The following CAB39L variants were observed in gnomAD, a reference collection of about 807,000 sequenced individuals.
CAB39L encodes the protein calcium binding protein 39 like, also known as calcium-binding protein 39-like.
CAB39L carries 23 observed loss-of-function variants against 39.1 expected under a neutral mutation model. The ratio of observed to expected loss-of-function variants is 0.59; its 90% CI spans 0.42 to 0.83. CAB39L has a LOEUF of 0.83. Among genes scored for constraint, CAB39L ranks in the 40% least tolerant of loss-of-function variants. The pLI, the probability that CAB39L is intolerant of heterozygous loss-of-function variation, is 0.00. For missense variants in CAB39L, 366 were observed against 391.9 expected (o/e 0.93, Z 0.56); for synonymous variants, 126 against 137.2 (o/e 0.92, Z 0.57).
chr13:49,424,003 G>C (rs1345358664), intron 3 of CAB39L, among the ~76,000 whole-genome samples: 2 of 152,072 alleles, frequency 1.3e-5, no homozygotes, highest in Non-Finnish European at 2.9e-5. Flanking sequence ...TCTAAAAATA[G>C]AATAACAAGT....
intron 8 of CAB39L, among the ~76,000 whole-genome samples, chr13:49,343,758 T>C (rs1021005439): frequency 1.3e-5 from 2 of 151,986 alleles, no homozygotes; most frequent in African/African-American, 4.8e-5. Flanking sequence ...AAAGGATGAG[T>C]TGGATTCACT....
At chr13:49,418,770 A>G (rs1357076145) in intron 3 of CAB39L, among the ~76,000 whole-genome samples, 2 of 152,002 alleles carry the variant, frequency 1.3e-5, no homozygotes, top group Admixed American at 6.6e-5. Flanking sequence ...CATGTTGGCC[A>G]GGCTGGTCTC....
At chr13:49,384,910 A>G (rs1022090541) in intron 3 of CAB39L, among the ~76,000 whole-genome samples, 1 of 152,214 alleles carries the variant, frequency 6.6e-6, no homozygotes, top group Non-Finnish European at 1.5e-5. Context: ...CAGGCCAAAT[A>G]GATTTAGCAT....
intron 9 of CAB39L, among the ~76,000 whole-genome samples, chr13:49,335,092 A>G (rs981776764): frequency 6.6e-6 from 1 of 152,206 alleles, no homozygotes; most frequent in Non-Finnish European, 1.5e-5. Context: ...ACCCTCCAAA[A>G]AGAAAAAACA....
chr13:49,368,414 G>A (rs1955828544), intron 5 of CAB39L, among the ~76,000 whole-genome samples: 1 of 152,172 alleles, frequency 6.6e-6, no homozygotes, highest in Non-Finnish European at 1.5e-5. Flanking sequence ...TACATTACAC[G>A]TTAATCTTTG....
intron 9 of CAB39L, among the ~76,000 whole-genome samples, chr13:49,332,394 C>T (rs1340781200): frequency 6.6e-6 from 1 of 152,118 alleles, no homozygotes; most frequent in East Asian, 1.9e-4. Flanking sequence ...AATTATCTTG[C>T]TTCGCACTAA....
intron 3 of CAB39L, among the ~76,000 whole-genome samples, chr13:49,423,601 A>G (rs1957204251): frequency 6.6e-6 from 1 of 152,204 alleles, no homozygotes; most frequent in African/African-American, 2.4e-5. Context: ...AAAAATTAGT[A>G]GGAGAGAAAG....
At chr13:49,312,077 T>A (rs563289078) in intron 10 of CAB39L, among the ~76,000 whole-genome samples, 1 of 152,248 alleles carries the variant, frequency 6.6e-6, no homozygotes, top group South Asian at 2.1e-4. Flanking sequence ...AAGTTTTTCG[T>A]AGAGGCAGGC....
At chr13:49,412,969 AG>A (rs1240045644) in intron 3 of CAB39L, 1 of 152,206 alleles carries the variant, frequency 6.6e-6, no homozygotes, top group Non-Finnish European at 1.5e-5. Flanking sequence ...TCTGCAGCCC[AG>A]GGGTAAGGGA....
intron 5 of CAB39L, 45 bp downstream of exon 5, chr13:49,376,922 T>TAGATAGATAGATAGATAGATAGA: frequency 9.1e-7 from 1 of 1,102,852 alleles, no homozygotes; most frequent in Non-Finnish European, 1.2e-6. Flanking sequence ...TAGATAGATA[T>TAGATAGATAGATAGATAGATAGA]TAAAATTGAA....
chr13:49,377,770 G>A (rs1956118860), intron 4 of CAB39L, among the ~76,000 whole-genome samples: 1 of 91,472 alleles, frequency 1.1e-5, no homozygotes, highest in Non-Finnish European at 2.2e-5. Context: ...CGCCTGCCTT[G>A]GCCTCCCAAA....
Position 49,342,312 on chromosome 13 carries a change from T to C in CAB39L, c.624+1867A>G, listed in dbSNP as rs1177250205. On this transcript the variant is annotated intron_variant, in intron 8 of 10. Transcript: ENST00000409308. ...GTAATCATCAAAAATGTACTTCTTT[T>C]TGTAAGCACATGTAATTTAATTTAA... 4.6e-5 allele frequency among the ~76,000 whole-genome samples: 7 copies of C among 152,332 alleles called. No individual in the cohort carries two copies. The South Asian group carries it at 1.4e-3, about 32-fold the overall frequency.
At chr13:49,366,807 G>A (rs1055208764) in intron 5 of CAB39L, among the ~76,000 whole-genome samples, 1 of 152,124 alleles carries the variant, frequency 6.6e-6, no homozygotes, top group East Asian at 1.9e-4. Flanking sequence ...CCAGAGGTCA[G>A]GAGTTCGAGA....
At chr13:49,436,387 T>C (rs1293293001) in intron 1 of CAB39L, among the ~76,000 whole-genome samples, 1 of 152,180 alleles carries the variant, frequency 6.6e-6, no homozygotes, top group African/African-American at 2.4e-5. Context: ...TTAGGAACTC[T>C]ACTTTTACTT....
intron 3 of CAB39L, among the ~76,000 whole-genome samples, chr13:49,428,105 T>C (rs979641276): frequency 1.1e-4 from 16 of 152,260 alleles, no homozygotes; most frequent in Non-Finnish European, 2.2e-4. Flanking sequence ...AAATTAGTTG[T>C]CTACTGTGTA....
intron 10 of CAB39L, among the ~76,000 whole-genome samples, chr13:49,313,277 C>G (rs370232995): frequency 1.3e-5 from 2 of 152,034 alleles, no homozygotes; most frequent in East Asian, 1.9e-4. Context: ...GTCAGGAGAT[C>G]GAGACCATCC....
intron 8 of CAB39L, among the ~76,000 whole-genome samples, chr13:49,341,555 C>A (rs1955007091): frequency 6.6e-6 from 1 of 152,046 alleles, no homozygotes; most frequent in South Asian, 2.1e-4. Flanking sequence ...ATTCTCCTTG[C>A]AGTAGAATGA....
In CAB39L at chr13:49,343,546, A is replaced by C. The variant is rs148360499; in HGVS notation, c.624+633T>G. Among the ~76,000 whole-genome samples, 184 of 152,098 alleles carry C rather than the reference A, an allele frequency of 1.2e-3. 1 individual carries two copies. The highest frequency in any genetic ancestry group is 4.2e-3 in the African/African-American group (176 of 41,502). The stretch of plus-strand genomic sequence containing the variant: ...AGATACAGACACACCATAATAATAC[A>C]AGGTGAAAAATAAGAGGGAGCCAGA... On this transcript the variant is annotated intron_variant, in intron 8 of 10. Transcript: ENST00000409308.
At chr13:49,409,211 C>A (rs1956941059) in intron 3 of CAB39L, among the ~76,000 whole-genome samples, 1 of 152,120 alleles carries the variant, frequency 6.6e-6, no homozygotes, top group Non-Finnish European at 1.5e-5. Context: ...TTCCGGGAAA[C>A]TGGTAACACT....
Sources: gnomAD v4.1 joint callset for allele counts (sites outside exome capture counted in the v4.1 genomes callset) on GRCh38, gnomAD v4.1.1 for gene constraint, MANE v1.5 for transcripts, NCBI Gene and HGNC (gene_info 2026-07-23, HGNC 2026-07-21) for gene names.